ARID1B: variants seen among roughly 807,000 people sequenced by gnomAD.
The protein encoded by ARID1B is AT-rich interactive domain-containing protein 1B.
ARID1B carries 30 observed loss-of-function variants against 212.3 expected under a neutral mutation model. That is an observed-to-expected ratio of 0.14 (90% CI 0.11 to 0.19). The LOEUF is 0.19. Among genes scored for constraint, ARID1B ranks in the 10% least tolerant of loss-of-function variants. The pLI, the probability that ARID1B is intolerant of heterozygous loss-of-function variation, is 1.00. For missense variants in ARID1B, 2,891 were observed against 3,204.0 expected (o/e 0.90, Z 2.36); for synonymous variants, 1,402 against 1,301.7 (o/e 1.08, Z -1.66).
At chr6:156,968,533 G>T (rs1270945233) in intron 4 of ARID1B, among the ~76,000 whole-genome samples, 1 of 152,094 alleles carries the variant, frequency 6.6e-6, no homozygotes, top group Non-Finnish European at 1.5e-5. Flanking sequence ...GCTCTCTGGT[G>T]GCAGAACCCC....
At chr6:156,790,871 G>C (rs1779964230) in intron 1 of ARID1B, among the ~76,000 whole-genome samples, 1 of 152,190 alleles carries the variant, frequency 6.6e-6, no homozygotes, top group Non-Finnish European at 1.5e-5. Flanking sequence ...AGAAGCACCA[G>C]TGTTTTATTC....
intron 1 of ARID1B, among the ~76,000 whole-genome samples, chr6:156,806,786 A>G (rs1781191444): frequency 6.6e-6 from 1 of 152,158 alleles, no homozygotes; most frequent in Non-Finnish European, 1.5e-5. Flanking sequence ...TTTCCTACGA[A>G]GGGCCACATA....
rs528801298 is a variant in ARID1B at position 157,206,374 on chromosome 6, G to A, written c.5602G>A (p.Glu1868Lys). The A allele has an allele frequency of 3.7e-6, 6 of 1,614,138 alleles. No homozygotes were observed. Among genetic ancestry groups the A allele is most frequent in the Non-Finnish European group, 5.1e-6 (6 of 1,180,020 alleles). ...ATGTATTGATGACGACGAGGAAGAC[G>A]AGGAGGATGAGGAGGAAGACAGCGA... is the stretch of plus-strand genomic sequence containing the variant. ...AECIDDDEED[E>K]EDEEEDSEKT... Residue 1868 changes from glutamate to lysine, a missense_variant, in exon 20 of 20, where the codon GAG becomes AAG. Physicochemically the swap from Glu to Lys is moderately conservative, Grantham distance 56. Transcript: ENST00000636930. The surrounding 1 kb of genome is among the most constrained non-coding windows in gnomAD (Gnocchi z 6.8).
At chr6:157,169,599 A>G (rs1170997454) in intron 9 of ARID1B, 1 of 152,248 alleles carries the variant, frequency 6.6e-6, no homozygotes, top group Non-Finnish European at 1.5e-5. Context: ...TACTGTGGAC[A>G]AAATTACAAA....
rs1562542228 is a variant in ARID1B at position 157,004,897 on chromosome 6, C to CTTTTTTGTTTTTTTTTTTTT, written c.2247+69327_2247+69328insGTTTTTTTTTTTTTTTTTTT. Among the ~76,000 whole-genome samples the CTTTTTTGTTTTTTTTTTTTT allele has an allele frequency of 2.7e-4, 15 of 54,740 alleles. 4 individuals are homozygous for CTTTTTTGTTTTTTTTTTTTT. The highest frequency in any genetic ancestry group is 8.9e-4 in the South Asian group (2 of 2,248). The allele number at this position is 54,740 out of a possible 152,430, so 35.9% of individuals were successfully genotyped here. A position where few individuals can be genotyped will look rare whatever the true frequency, so the allele number is the denominator to read the frequency against. On this transcript the variant is annotated intron_variant, in intron 4 of 19. Coordinates refer to ENST00000636930, the MANE Select transcript of ARID1B (RefSeq NM_001374828.1). ...TTTTTTCTTTTTCTTCTTCTTTTTT[C>CTTTTTTGTTTTTTTTTTTTT]TTTTTTTTTTTTTTTTTTTTTTTTT...
At chr6:156,999,257 T>C (rs951593321) in intron 4 of ARID1B, among the ~76,000 whole-genome samples, 1 of 152,272 alleles carries the variant, frequency 6.6e-6, no homozygotes, top group African/African-American at 2.4e-5. Context: ...ATCCTTGGGA[T>C]ATGCTGGTTA....
At chr6:156,859,321 T>C (rs143505924) in intron 2 of ARID1B, among the ~76,000 whole-genome samples, 8 of 152,282 alleles carry the variant, frequency 5.3e-5, no homozygotes, top group African/African-American at 1.9e-4. Context: ...CGAAACACTG[T>C]TATGTGGTAC....
At chr6:156,777,125 T>A (rs1778666476), upstream of ARID1B, 1 of 152,120 alleles carries the variant, frequency 6.6e-6, no homozygotes, top group South Asian at 2.0e-4. Flanking sequence ...AACGCCCGGT[T>A]GGCAAGGAGA....
intron 1 of ARID1B, among the ~76,000 whole-genome samples, chr6:156,807,157 A>G (rs1056459552): frequency 7.5e-6 from 1 of 133,304 alleles, no homozygotes; most frequent in African/African-American, 2.8e-5. Flanking sequence ...CGCCCCACCC[A>G]GTGAAGCATC....
At chr6:157,199,708 G>C (rs1372346163) in intron 17 of ARID1B, among the ~76,000 whole-genome samples, 2 of 151,888 alleles carry the variant, frequency 1.3e-5, no homozygotes, top group African/African-American at 4.8e-5. Flanking sequence ...GTCTCGCTCT[G>C]TCTGGAATCC....
intron 6 of ARID1B, among the ~76,000 whole-genome samples, chr6:157,131,034 G>A (rs995127680): frequency 1.3e-5 from 2 of 152,124 alleles, no homozygotes; most frequent in African/African-American, 2.4e-5. Context: ...GCTTCCATTT[G>A]CCTGGACTCC....
At chr6:157,057,867 A>C (rs1583229068) in intron 4 of ARID1B, among the ~76,000 whole-genome samples, 1 of 152,350 alleles carries the variant, frequency 6.6e-6, no homozygotes, top group South Asian at 2.1e-4. Flanking sequence ...TGATACCAAC[A>C]GCATACTCTA....
Position 156,799,137 on chromosome 6 carries a change from C to A in ARID1B, c.1791+19666C>A, listed in dbSNP as rs115678750. ...GATATGTGGAACCTCAAAGGGAAAT[C>A]AATTGTTTTGCTGTTGTAGTGAAAT... On this transcript the variant is annotated intron_variant, in intron 1 of 19. Coordinates refer to ENST00000636930, the MANE Select transcript of ARID1B (RefSeq NM_001374828.1). Among the ~76,000 whole-genome samples, 415 of 152,118 alleles carry A rather than the reference C, an allele frequency of 2.7e-3. 2 individuals are homozygous for A. Among genetic ancestry groups the A allele is most frequent in the African/African-American group, 9.4e-3 (391 of 41,488 alleles).
chr6:157,174,898 C>A lies in ARID1B; in HGVS notation c.3397C>A (p.Pro1133Thr). 1 of 1,554,630 alleles carries A rather than the reference C, an allele frequency of 6.4e-7. No individual in the cohort carries two copies. The change falls in exon 11 of 20, where the codon CCA becomes ACA. Residue 1133 changes from proline to threonine, a missense_variant. Transcript: ENST00000636930. ...TCAGCCCCCAACCCCAGGCAACCTG[C>A]CAGTCCCTTCCCCAATGTCCCCCAG... ...ISQPPTPGNL[P>T]VPSPMSPSSA...
intron 4 of ARID1B, among the ~76,000 whole-genome samples, chr6:156,959,563 T>C (rs6941304): frequency 0.045 from 5,732 of 128,234 alleles, 344 homozygotes; most frequent in African/African-American, 0.19. Flanking sequence ...TGTAGGGTTT[T>C]GTACTTAAAA....
In ARID1B at chr6:156,933,647, C is replaced by T. The variant is rs189631780; in HGVS notation, c.2137-1819C>T. 6.6e-4 allele frequency among the ~76,000 whole-genome samples: 101 copies of T among 152,290 alleles called. No individual in the cohort carries two copies. The East Asian group carries it at 0.01, about 15-fold the overall frequency. On this transcript the variant is annotated intron_variant, in intron 3 of 19. Transcript: ENST00000636930. ...TTGGATTGCCTGTGCTTACTCTCAC[C>T]TTATTGTTATCAAATAAAAACCTAG... is the stretch of plus-strand genomic sequence containing the variant.
chr6:156,985,254 A>G (rs550066790), intron 4 of ARID1B: 1 of 152,336 alleles, frequency 6.6e-6, no homozygotes, highest in African/African-American at 2.4e-5. Context: ...CTTGAAATTG[A>G]TAATACTTTT....
At chr6:157,116,394 A>G (rs904187760) in intron 6 of ARID1B, among the ~76,000 whole-genome samples, 5 of 151,052 alleles carry the variant, frequency 3.3e-5, no homozygotes, top group Non-Finnish European at 5.9e-5. Context: ...GTCTAGTTAA[A>G]CATTCATGTT....
At chr6:156,933,997 G>A (rs925110406) in intron 3 of ARID1B, among the ~76,000 whole-genome samples, 2 of 152,170 alleles carry the variant, frequency 1.3e-5, no homozygotes, top group Non-Finnish European at 2.9e-5. Context: ...CAAGAAAGGG[G>A]TGGGACAGCA....
Sources: gnomAD v4.1 joint callset for allele counts (sites outside exome capture counted in the v4.1 genomes callset) on GRCh38, gnomAD v4.1.1 for gene constraint, Gnocchi (gnomAD v3.1) non-coding constraint, MANE v1.5 for transcripts, NCBI Gene and HGNC (gene_info 2026-07-23, HGNC 2026-07-21) for gene names.